Variants in MYT1L observed in about 807,000 individuals in gnomAD.
MYT1L encodes the protein myelin transcription factor 1-like protein.
Under a neutral mutation model 126.7 loss-of-function variants are expected in MYT1L, and 12 were observed. That is an observed-to-expected ratio of 0.09 (90% confidence interval 0.06 to 0.15). MYT1L has a LOEUF of 0.15. MYT1L is among the 10% of genes least tolerant of loss of function. The pLI is 1.00. For synonymous variants in MYT1L, 541 were observed against 604.2 expected (o/e 0.90, Z 1.53); for missense variants, 979 against 1,585.2 (o/e 0.62, Z 6.49).
intron 3 of MYT1L, among the ~76,000 whole-genome samples, chr2:2,087,770 T>C (rs1424038865): frequency 1.3e-5 from 2 of 152,118 alleles, no homozygotes; most frequent in Admixed American, 6.6e-5. Flanking sequence ...CTACTACAAA[T>C]AGATCAAGTC....
intron 2 of MYT1L, among the ~76,000 whole-genome samples, chr2:2,191,396 C>T (rs2092583509): frequency 6.6e-6 from 1 of 152,164 alleles, no homozygotes; most frequent in Non-Finnish European, 1.5e-5. Context: ...AGAACCATAT[C>T]CATTATGAAG....
intron 18 of MYT1L, among the ~76,000 whole-genome samples, chr2:1,872,007 G>A (rs556302891): frequency 1.3e-5 from 2 of 152,146 alleles, no homozygotes; most frequent in South Asian, 2.1e-4. Flanking sequence ...GGAGCACCTC[G>A]CATTGTACTT....
intron 3 of MYT1L, among the ~76,000 whole-genome samples, chr2:2,082,255 A>G (rs891358385): frequency 6.6e-6 from 1 of 152,230 alleles, no homozygotes; most frequent in Non-Finnish European, 1.5e-5. Context: ...ACTGAGATGT[A>G]CTGGCTTGGT....
At chr2:2,190,555 T>TAAAAAAAAAA (rs777939174) in intron 2 of MYT1L, among the ~76,000 whole-genome samples, 4 of 108,438 alleles carry the variant, frequency 3.7e-5, no homozygotes, top group African/African-American at 6.7e-5. Context: ...CAAGACCTGT[T>TAAAAAAAAAA]AAAAAAAAAA....
At chr2:2,193,706 A>G (rs747601196) in intron 2 of MYT1L, among the ~76,000 whole-genome samples, 3 of 152,188 alleles carry the variant, frequency 2.0e-5, no homozygotes, top group African/African-American at 7.2e-5. Context: ...GCCTCATTAC[A>G]TAGTTCTGTG....
At chr2:2,143,982 G>T (rs920172998) in intron 3 of MYT1L, among the ~76,000 whole-genome samples, 1 of 151,818 alleles carries the variant, frequency 6.6e-6, no homozygotes, top group Non-Finnish European at 1.5e-5. Flanking sequence ...AGGGAGGGGC[G>T]CAAGGGTTGA....
At chr2:2,285,303 A>T (rs1470481068) in intron 1 of MYT1L, among the ~76,000 whole-genome samples, 1 of 152,196 alleles carries the variant, frequency 6.6e-6, no homozygotes, top group Non-Finnish European at 1.5e-5. Flanking sequence ...ATCTAAGGCC[A>T]TATCAGGACA....
intron 9 of MYT1L, among the ~76,000 whole-genome samples, chr2:1,927,585 T>C (rs142097091): frequency 1.1e-4 from 16 of 152,288 alleles, no homozygotes; most frequent in African/African-American, 3.4e-4. Context: ...CTAGTCCTGA[T>C]TGAGCTACTG....
Position 1,852,059 on chromosome 2 carries a change from C to T in MYT1L, c.2712-356G>A, listed in dbSNP as rs953553934. Among the ~76,000 whole-genome samples, 2 of 152,172 alleles carry T rather than the reference C, an allele frequency of 1.3e-5. No homozygotes were observed. The highest frequency in any genetic ancestry group is 2.4e-5 in the African/African-American group (1 of 41,430). ...CCAGCAACCACAGGGCTTGTTACTG[C>T]ACCAGCCCACGTGGGAAGCAAGGCT... On this transcript the variant is annotated intron_variant, in intron 18 of 24. Transcript: ENST00000647738. The surrounding 1 kb of genome is among the most constrained non-coding windows in gnomAD (Gnocchi z 4.0).
At chr2:1,984,381 G>A (rs2060843773) in intron 5 of MYT1L, among the ~76,000 whole-genome samples, 2 of 151,864 alleles carry the variant, frequency 1.3e-5, no homozygotes, top group Admixed American at 6.6e-5. Context: ...ATTATTTGTA[G>A]AGCCAGGATC....
At chr2:1,864,580 G>A (rs903259550) in intron 18 of MYT1L, among the ~76,000 whole-genome samples, 4 of 152,006 alleles carry the variant, frequency 2.6e-5, no homozygotes, top group African/African-American at 7.3e-5. Flanking sequence ...CTGAGCTCCC[G>A]CTTTGCCTCC....
chr2:2,158,703 T>TACACACAC (rs34075925), intron 3 of MYT1L, among the ~76,000 whole-genome samples: 2 of 144,370 alleles, frequency 1.4e-5, no homozygotes, highest in Admixed American at 6.9e-5. Context: ...AACATTCAAG[T>TACACACAC]ACACACACAC....
intron 2 of MYT1L, among the ~76,000 whole-genome samples, chr2:2,267,158 C>A (rs998857217): frequency 6.6e-6 from 1 of 152,146 alleles, no homozygotes; most frequent in Non-Finnish European, 1.5e-5. Flanking sequence ...GACGTCTGGG[C>A]AAATGGTACC....
chr2:2,176,401 T>C (rs1263848522), intron 2 of MYT1L, among the ~76,000 whole-genome samples: 1 of 152,192 alleles, frequency 6.6e-6, no homozygotes, highest in East Asian at 1.9e-4. Context: ...AAAGTATTTT[T>C]GGCAATTAAA....
At chr2:2,109,333 C>T (rs768423747) in intron 3 of MYT1L, among the ~76,000 whole-genome samples, 4 of 152,112 alleles carry the variant, frequency 2.6e-5, no homozygotes, top group Admixed American at 6.5e-5. Context: ...CGGATCCAGC[C>T]CCCTCCAGAT....
At position 1,797,871 on chromosome 2, in the gene MYT1L, C is replaced by T. The variant is rs1223310765; in HGVS notation, c.3276+3825G>A. Among the ~76,000 whole-genome samples the T allele has an allele frequency of 1.1e-4, 16 of 140,264 alleles. 1 individual carries two copies. Among genetic ancestry groups the T allele is most frequent in the African/African-American group, 4.4e-4 (16 of 36,370 alleles). The allele number at this position is 140,264 out of a possible 152,430, so 92.0% of individuals were successfully genotyped here. On this transcript the variant is annotated intron_variant, in intron 23 of 24. Transcript: ENST00000647738. Reference sequence around the variant, plus strand: ...CCGGCACAGGCGCGGCGGTCTCCCCCCATCCGGCACAGGCGCGGCGGTCTC... The same window carrying T: ...CCGGCACAGGCGCGGCGGTCTCCCCTCATCCGGCACAGGCGCGGCGGTCTC...
intron 15 of MYT1L, among the ~76,000 whole-genome samples, chr2:1,890,085 T>C (rs2048659056): frequency 7.1e-6 from 1 of 141,298 alleles, no homozygotes; most frequent in African/African-American, 2.7e-5. Flanking sequence ...TTTTTTTTTT[T>C]GAGGGACAGA....
At chr2:1,825,870 T>TCCTTGAG (rs1022420260) in intron 21 of MYT1L, 1 of 152,262 alleles carries the variant, frequency 6.6e-6, no homozygotes, top group Non-Finnish European at 1.5e-5. Flanking sequence ...TGGGCCTCTG[T>TCCTTGAG]CCTTGAGTGT....
chr2:2,240,297 A>G (rs2094413623), intron 2 of MYT1L, among the ~76,000 whole-genome samples: 1 of 152,130 alleles, frequency 6.6e-6, no homozygotes, highest in Non-Finnish European at 1.5e-5. Flanking sequence ...CCGTCTCTAA[A>G]TAAATAAATA....
Sources: gnomAD v4.1 joint callset for allele counts (sites outside exome capture counted in the v4.1 genomes callset) on GRCh38, gnomAD v4.1.1 for gene constraint, Gnocchi (gnomAD v3.1) non-coding constraint, MANE v1.5 for transcripts, NCBI Gene and HGNC (gene_info 2026-07-23, HGNC 2026-07-21) for gene names.